ZNF804B: variants seen among roughly 807,000 people sequenced by gnomAD.
ZNF804B encodes zinc finger protein 804B, also known as zinc finger 804B.
ZNF804B carries 80 observed loss-of-function variants against 101.4 expected under a neutral mutation model. The observed-to-expected ratio is 0.79, with a 90% CI of 0.66 to 0.95. The LOEUF (loss-of-function observed/expected upper bound fraction) is 0.95, where lower values mean the gene tolerates loss of function less well. ZNF804B is among the 40% of genes least tolerant of loss of function. The pLI is 0.00. For synonymous variants in ZNF804B, 622 were observed against 558.8 expected (o/e 1.11, Z -1.59); for missense variants, 1,673 against 1,561.9 (o/e 1.07, Z -1.20).
At chr7:88,814,189 A>C (rs183200408) in intron 1 of ZNF804B, among the ~76,000 whole-genome samples, 1 of 152,254 alleles carries the variant, frequency 6.6e-6, no homozygotes, top group Non-Finnish European at 1.5e-5. Flanking sequence ...GACTTTTCAT[A>C]TTTCTGGTAA....
At chr7:89,114,194 TTAAC>T (rs1483163186) in intron 1 of ZNF804B, among the ~76,000 whole-genome samples, 4 of 152,192 alleles carry the variant, frequency 2.6e-5, no homozygotes, top group East Asian at 3.9e-4. Context: ...TAAAAGTAAA[TTAAC>T]TAATAAATGT....
intron 1 of ZNF804B, among the ~76,000 whole-genome samples, chr7:88,833,563 T>C (rs928187891): frequency 2.0e-5 from 3 of 151,896 alleles, no homozygotes; most frequent in African/African-American, 7.2e-5. Context: ...ATTTAGAGTC[T>C]GCGAGTTTGA....
intron 1 of ZNF804B, among the ~76,000 whole-genome samples, chr7:89,184,447 A>G (rs1485382096): frequency 6.6e-6 from 1 of 152,114 alleles, no homozygotes; most frequent in African/African-American, 2.4e-5. Flanking sequence ...AATGGTTAAC[A>G]ATGTAGTCTG....
chr7:88,877,007 A>AAAATATATATATATATAATATATATT (rs1487886166), intron 1 of ZNF804B, among the ~76,000 whole-genome samples: 2 of 75,184 alleles, frequency 2.7e-5, no homozygotes, highest in African/African-American at 1.9e-4. Flanking sequence ...TGAAAAAAAA[A>AAAATATATATATATATAATATATATT]ATATATATAT....
intron 1 of ZNF804B, among the ~76,000 whole-genome samples, chr7:89,080,433 C>T (rs1310259706): frequency 6.6e-6 from 1 of 151,996 alleles, no homozygotes; most frequent in East Asian, 1.9e-4. Context: ...ACTGAACATG[C>T]CATTTTATAA....
chr7:89,226,604 T>C (rs1789092299), intron 2 of ZNF804B, among the ~76,000 whole-genome samples: 1 of 152,190 alleles, frequency 6.6e-6, no homozygotes, highest in African/African-American at 2.4e-5. Context: ...CAAACTATGA[T>C]GTAACAACAT....
At chr7:89,187,313 A>T (rs888471156) in intron 1 of ZNF804B, among the ~76,000 whole-genome samples, 2 of 152,184 alleles carry the variant, frequency 1.3e-5, no homozygotes, top group Non-Finnish European at 2.9e-5. Flanking sequence ...ACAAATTTTG[A>T]TGGATCATAT....
chr7:89,149,972 A>G (rs926853363), intron 1 of ZNF804B, among the ~76,000 whole-genome samples: 1 of 152,054 alleles, frequency 6.6e-6, no homozygotes, highest in African/African-American at 2.4e-5. Flanking sequence ...TTTTGAATGC[A>G]GTAGTCTACC....
intron 2 of ZNF804B, among the ~76,000 whole-genome samples, chr7:89,279,730 G>T (rs1790050647): frequency 6.6e-6 from 1 of 151,984 alleles, no homozygotes. Context: ...TAAGCTTTTT[G>T]ATGTGCTGCT....
chr7:89,007,186 T>A (rs1788379037), intron 1 of ZNF804B, among the ~76,000 whole-genome samples: 1 of 152,010 alleles, frequency 6.6e-6, no homozygotes, highest in Admixed American at 6.6e-5. Flanking sequence ...CGTTTTAAAA[T>A]TAGATTTCAT....
At chr7:88,850,741 A>G (rs1791440293) in intron 1 of ZNF804B, among the ~76,000 whole-genome samples, 1 of 152,140 alleles carries the variant, frequency 6.6e-6, no homozygotes. Flanking sequence ...TTAAACATTT[A>G]CAATGAATGG....
At chr7:89,003,796 G>A (rs373922710) in intron 1 of ZNF804B, among the ~76,000 whole-genome samples, 3 of 151,948 alleles carry the variant, frequency 2.0e-5, no homozygotes, top group East Asian at 3.9e-4. Context: ...TATAAATAGT[G>A]TTCTCTTTTC....
At position 88,819,787 on chromosome 7, in the gene ZNF804B, T is replaced by C. The variant is rs578253312; in HGVS notation, c.108+59703T>C. ...CAGTTTCATTGTTTTCCAAAAAATT[T>C]AGCGCAATTATTCTGAAAATTAAAA... On this transcript the variant is annotated intron_variant, in intron 1 of 3. Coordinates refer to ENST00000333190, the MANE Select transcript of ZNF804B (RefSeq NM_181646.5). 3.3e-5 allele frequency among the ~76,000 whole-genome samples: 5 copies of C among 152,284 alleles called. No individual in the cohort carries two copies. The East Asian group carries it at 9.7e-4, about 29-fold the overall frequency.
intron 1 of ZNF804B, among the ~76,000 whole-genome samples, chr7:89,022,191 A>G (rs564353547): frequency 4.7e-4 from 71 of 152,146 alleles, no homozygotes; most frequent in Non-Finnish European, 8.2e-4. Context: ...GGGACCTCTC[A>G]TCTCCCCTGC....
chr7:89,080,309 A>G (rs912746864), intron 1 of ZNF804B, among the ~76,000 whole-genome samples: 4 of 151,714 alleles, frequency 2.6e-5, no homozygotes, highest in African/African-American at 9.7e-5. Flanking sequence ...AAAAAAAAGT[A>G]TATCATTTGC....
At chr7:89,156,936 G>A (rs867462365) in intron 1 of ZNF804B, among the ~76,000 whole-genome samples, 1 of 152,114 alleles carries the variant, frequency 6.6e-6, no homozygotes, top group South Asian at 2.1e-4. Context: ...CAGTGAGGGA[G>A]GAAGGAGGAG....
chr7:89,122,783 C>A (rs1362519729), intron 1 of ZNF804B, among the ~76,000 whole-genome samples: 2 of 152,178 alleles, frequency 1.3e-5, no homozygotes, highest in African/African-American at 2.4e-5. Context: ...TGAATCGAAG[C>A]AAGCTGTGTC....
chr7:89,215,885 AAATAAATAAAT>A (rs1562918587), intron 1 of ZNF804B, among the ~76,000 whole-genome samples: 162 of 135,212 alleles, frequency 1.2e-3, no homozygotes, highest in South Asian at 0.011. Flanking sequence ...CTCCGTCTCT[AAATAAATAAAT>A]AAATAAATAA....
intron 1 of ZNF804B, among the ~76,000 whole-genome samples, chr7:88,819,154 C>T (rs1790934000): frequency 6.6e-6 from 1 of 152,066 alleles, no homozygotes; most frequent in Non-Finnish European, 1.5e-5. Context: ...GACAAAGTCT[C>T]TTTCCGTCAC....
Sources: allele counts gnomAD v4.1 joint callset (sites outside exome capture counted in the v4.1 genomes callset), GRCh38; gene constraint gnomAD v4.1.1; transcripts MANE v1.5; gene names NCBI Gene and HGNC (gene_info 2026-07-23, HGNC 2026-07-21).